The following DCAF17 variants were observed in gnomAD, a reference collection of about 807,000 sequenced individuals.
DCAF17 encodes the protein DDB1- and CUL4-associated factor 17.
In DCAF17, 48 loss-of-function variants were observed where a neutral mutation model predicts 66.0. The ratio of observed to expected loss-of-function variants is 0.73; its 90% CI spans 0.58 to 0.92. The LOEUF is 0.92. Among genes scored for constraint, DCAF17 ranks in the 40% least tolerant of loss-of-function variants. The pLI is 0.00. For missense variants in DCAF17, 562 were observed against 622.8 expected (o/e 0.90, Z 1.04); for synonymous variants, 206 against 214.6 (o/e 0.96, Z 0.35).
Position 171,458,477 on chromosome 2 carries a change from G to A in DCAF17, c.838G>A (p.Asp280Asn), listed in dbSNP as rs1695388652. ...CATTCCTTGTAATATTAAAATCACA[G>A]GTATGGCTACTCTATAGTATTTTTT... Reference protein sequence around the residue: ...FGIPCNIKITDMPPLLFEVSS... With the variant: ...FGIPCNIKITNMPPLLFEVSS... The change falls in exon 8 of 14, where the codon GAC (aspartate) becomes AAC (asparagine). Residue 280 changes from aspartate to asparagine, a missense_variant and splice_region_variant. Physicochemically the swap from Asp to Asn is conservative, Grantham distance 23. Coordinates refer to ENST00000375255, the MANE Select transcript of DCAF17 (RefSeq NM_025000.4). The A allele has an allele frequency of 1.6e-5, 26 of 1,606,376 alleles. No individual in the cohort carries two copies. The highest frequency in any genetic ancestry group is 2.0e-5 in the Non-Finnish European group (24 of 1,173,280).
At chr2:171,459,313 A>G (rs542580604) in intron 8 of DCAF17, among the ~76,000 whole-genome samples, 46 of 151,592 alleles carry the variant, frequency 3.0e-4, no homozygotes, top group Non-Finnish European at 5.5e-4. Flanking sequence ...ACTCCATCTC[A>G]AAAAAAAAGA....
intron 3 of DCAF17, among the ~76,000 whole-genome samples, chr2:171,448,215 T>G (rs1296877555): frequency 6.6e-6 from 1 of 152,156 alleles, no homozygotes; most frequent in Admixed American, 6.6e-5. Flanking sequence ...CACTGCAGCC[T>G]TGACCTCCCA....
At chr2:171,480,385 T>C (rs1696687166) in intron 13 of DCAF17, among the ~76,000 whole-genome samples, 192 bp downstream of exon 13, 2 of 152,172 alleles carry the variant, frequency 1.3e-5, no homozygotes, top group South Asian at 4.1e-4. Context: ...AGGGGATCCT[T>C]ACCAGTGGCC....
At chr2:171,472,894 G>A (rs762563231) in intron 9 of DCAF17, 9 of 334,694 alleles carry the variant, frequency 2.7e-5, no homozygotes, top group South Asian at 1.6e-4. Flanking sequence ...AATGACTTCT[G>A]TAAAGCCAGT....
chr2:171,475,507 T>A (rs563994911), intron 10 of DCAF17, among the ~76,000 whole-genome samples: 1 of 152,162 alleles, frequency 6.6e-6, no homozygotes, highest in Non-Finnish European at 1.5e-5. Flanking sequence ...GGTTTAGGCC[T>A]ATAATCCTGC....
At chr2:171,466,387 C>T (rs1695899249) in intron 8 of DCAF17, among the ~76,000 whole-genome samples, 1 of 151,976 alleles carries the variant, frequency 6.6e-6, no homozygotes, top group Non-Finnish European at 1.5e-5. Flanking sequence ...TATTTGTTTT[C>T]TTTTTAAGGC....
At position 171,448,663 on chromosome 2, in the gene DCAF17, C is replaced by CT; in HGVS notation, c.322-17dup. The CT allele has an allele frequency of 4.0e-6, 6 of 1,517,940 alleles. No individual in the cohort carries two copies. Among genetic ancestry groups the CT allele is most frequent in the Admixed American group, 4.5e-5 (2 of 44,884 alleles). 94.0% of individuals were successfully genotyped at this position (1,517,940 alleles called of 1,614,324 possible). On this transcript the variant is annotated splice_polypyrimidine_tract_variant and intron_variant, in intron 3 of 13. Transcript: ENST00000375255. ...TGGCCAAGCAGTTTCATTTTTATAT[C>CT]TCTCTTTTTTTTTTTAGGGAGATAT...
At chr2:171,471,937 G>T (rs553844924) in intron 9 of DCAF17, among the ~76,000 whole-genome samples, 1 of 151,908 alleles carries the variant, frequency 6.6e-6, no homozygotes, top group South Asian at 2.1e-4. Context: ...ATTGATTGAG[G>T]CCAAGAGGTC....
chr2:171,443,055 T>C (rs998626895), intron 2 of DCAF17: 1 of 151,630 alleles, frequency 6.6e-6, no homozygotes, highest in African/African-American at 2.4e-5. Flanking sequence ...CCATAAAGGG[T>C]TTTTTGTTTT....
intron 9 of DCAF17, among the ~76,000 whole-genome samples, chr2:171,473,306 T>C (rs934162791): frequency 6.6e-6 from 1 of 152,072 alleles, no homozygotes; most frequent in African/African-American, 2.4e-5. Context: ...GTTTAGTAGG[T>C]TGAAAATATT....
At chr2:171,444,689 G>T (rs563710970) in intron 3 of DCAF17, among the ~76,000 whole-genome samples, 1 of 152,294 alleles carries the variant, frequency 6.6e-6, no homozygotes, top group East Asian at 1.9e-4. Context: ...AATGCACTTA[G>T]GAAATACTAC....
Position 171,478,055 on chromosome 2 carries a change from T to C in DCAF17, c.1251T>C (p.Asp417=). The change falls in exon 12 of 14, where the codon GAT becomes GAC. Residue 417 remains aspartate, a synonymous_variant. Transcript: ENST00000375255. ...VVKKSFNLLD[D]DPEQETFKIV... ...AAAAAAGTTTTAACCTTCTGGATGA[T>C]GACCCAGAACAAGAGGTATTGCTTT... The C allele has an allele frequency of 6.2e-7, 1 of 1,613,866 alleles. No individual in the cohort carries two copies. Among genetic ancestry groups the C allele is most frequent in the Non-Finnish European group, 8.5e-7 (1 of 1,179,808 alleles).
At chr2:171,460,168 C>G (rs1695494999) in intron 8 of DCAF17, among the ~76,000 whole-genome samples, 1 of 151,648 alleles carries the variant, frequency 6.6e-6, no homozygotes, top group Admixed American at 6.6e-5. Flanking sequence ...ACTAAAAATA[C>G]AAAAATTAGC....
At chr2:171,442,894 A>G (rs531146531) in intron 2 of DCAF17, among the ~76,000 whole-genome samples, 4 of 152,214 alleles carry the variant, frequency 2.6e-5, no homozygotes, top group African/African-American at 9.6e-5. Flanking sequence ...GAACAAAATA[A>G]AATTAAACAT....
chr2:171,472,273 G>A (rs190216698), intron 9 of DCAF17, among the ~76,000 whole-genome samples: 435 of 152,104 alleles, frequency 2.9e-3, no homozygotes, highest in African/African-American at 9.5e-3. Context: ...TCTGCCTCCT[G>A]GGTTCAAGCC....
chr2:171,448,725 A>G lies in DCAF17; in HGVS notation c.366A>G (p.Ile122Met), dbSNP rs972345874. Residue 122 changes from isoleucine (I) to methionine (M), a missense_variant, in exon 4 of 14, where the codon ATA becomes ATG. By Grantham distance (10) the Ile-to-Met change is conservative. Around this residue, in one of 3 missense-constraint regions of DCAF17, gnomAD observed 348 missense variants for 355.9 expected, o/e 0.98. Coordinates refer to ENST00000375255, the MANE Select transcript of DCAF17 (RefSeq NM_025000.4). ...PNSSDYKSSL[I>M]ALTAHNWLLR... ...CATCAGATTATAAGTCCTCACTCAT[A>G]GCACTGACTGCTCATAATTGGCTAC... is the stretch of plus-strand genomic sequence containing the variant. The G allele has an allele frequency of 3.7e-6, 6 of 1,613,106 alleles. No homozygotes were observed. The African/African-American group carries it at 5.3e-5, about 14-fold the overall frequency.
chr2:171,436,832 T>C (rs113878229), intron 2 of DCAF17, among the ~76,000 whole-genome samples: 3 of 150,314 alleles, frequency 2.0e-5, no homozygotes, highest in African/African-American at 7.3e-5. Flanking sequence ...TGGAGTGCAA[T>C]GGCGTGATCT....
intron 3 of DCAF17, among the ~76,000 whole-genome samples, chr2:171,447,771 G>T (rs763527140): frequency 1.2e-4 from 18 of 152,194 alleles, no homozygotes; most frequent in Non-Finnish European, 2.2e-4. Flanking sequence ...CAAAGTGCTG[G>T]GATTACAGGT....
intron 12 of DCAF17, among the ~76,000 whole-genome samples, chr2:171,478,443 T>C (rs1400731096): frequency 6.6e-6 from 1 of 152,222 alleles, no homozygotes; most frequent in Non-Finnish European, 1.5e-5. Context: ...GCCTCATTTT[T>C]TACTTGCTAG....
Sources: gnomAD v4.1 joint callset for allele counts (sites outside exome capture counted in the v4.1 genomes callset) on GRCh38, gnomAD v4.1.1 for gene constraint, gnomAD v4.1.1 regional missense constraint, MANE v1.5 for transcripts, NCBI Gene and HGNC (gene_info 2026-07-23, HGNC 2026-07-21) for gene names.